The following ITGA8 variants were observed in gnomAD, a reference collection of about 807,000 sequenced individuals.
ITGA8 encodes integrin alpha-8.
ITGA8 carries 91 observed loss-of-function variants against 142.3 expected under a neutral mutation model. The ratio of observed to expected loss-of-function variants is 0.64; its 90% CI spans 0.54 to 0.76. The LOEUF (loss-of-function observed/expected upper bound fraction) is 0.76. Among genes scored for constraint, ITGA8 ranks in the 30% least tolerant of loss-of-function variants. The pLI, the probability that ITGA8 is intolerant of heterozygous loss-of-function variation, is 0.00. For missense variants in ITGA8, 1,406 were observed against 1,327.7 expected (o/e 1.06, Z -0.92); for synonymous variants, 505 against 485.2 (o/e 1.04, Z -0.54).
At chr10:15,524,650 A>G (rs1833133687) in intron 28 of ITGA8, among the ~76,000 whole-genome samples, 1 of 152,242 alleles carries the variant, frequency 6.6e-6, no homozygotes, top group African/African-American at 2.4e-5. Flanking sequence ...CTGAAACTCC[A>G]CGCTCTGTAT....
At chr10:15,682,875 T>A (rs1057009388) in intron 4 of ITGA8, among the ~76,000 whole-genome samples, 1 of 150,112 alleles carries the variant, frequency 6.7e-6, no homozygotes, top group Non-Finnish European at 1.5e-5. Flanking sequence ...AAAAAAAAAA[T>A]TTCTACTGCC....
chr10:15,560,778 A>G (rs908963279), intron 25 of ITGA8, among the ~76,000 whole-genome samples: 1 of 152,204 alleles, frequency 6.6e-6, no homozygotes, highest in Non-Finnish European at 1.5e-5. Context: ...AGATCTATAA[A>G]TAGAAATAAT....
At chr10:15,549,132 C>CA (rs1833736771) in intron 26 of ITGA8, among the ~76,000 whole-genome samples, 2 of 150,872 alleles carry the variant, frequency 1.3e-5, no homozygotes, top group Admixed American at 6.6e-5. Flanking sequence ...GTGTGTTCCT[C>CA]AAAAGGATTC....
intron 27 of ITGA8, among the ~76,000 whole-genome samples, chr10:15,533,141 AT>A (rs1219391750): frequency 1.3e-5 from 2 of 152,230 alleles, no homozygotes; most frequent in African/African-American, 4.8e-5. Context: ...TTCCTTAAAT[AT>A]TTTTTACAAA....
chr10:15,627,932 G>T (rs530480202), intron 13 of ITGA8, among the ~76,000 whole-genome samples: 2 of 151,414 alleles, frequency 1.3e-5, no homozygotes, highest in African/African-American at 4.9e-5. Flanking sequence ...TAAAGAAGTC[G>T]GTCAAAACCA....
chr10:15,646,991 G>C lies in ITGA8; in HGVS notation c.1062C>G (p.Pro354=). The change falls in exon 12 of 30, where the codon CCC becomes CCG. Residue 354 remains proline (P), a synonymous_variant. Coordinates refer to ENST00000378076, the MANE Select transcript of ITGA8 (RefSeq NM_003638.3). ...ACAGGTAGATTTGCCCTACTTCTCT[G>C]GGGTTGCTCTCAAATTCACGTTCCA... ...LFMEREFESN[P]REVGQIYLYL... is the part of the protein sequence containing the mutation. The C allele has an allele frequency of 6.2e-7, 1 of 1,614,018 alleles. No homozygotes were observed. The highest frequency in any genetic ancestry group is 8.5e-7 in the Non-Finnish European group (1 of 1,179,998).
chr10:15,549,725 G>T (rs570409145), intron 26 of ITGA8, among the ~76,000 whole-genome samples: 1 of 152,300 alleles, frequency 6.6e-6, no homozygotes, highest in South Asian at 2.1e-4. Context: ...TGGATATTAT[G>T]TGAAGTAGTT....
intron 13 of ITGA8, among the ~76,000 whole-genome samples, chr10:15,620,952 G>A (rs1255877719): frequency 6.6e-6 from 1 of 152,124 alleles, no homozygotes; most frequent in African/African-American, 2.4e-5. Flanking sequence ...GCATAATTCT[G>A]TGCTTAGGAA....
At chr10:15,535,041 C>T (rs1012178594) in intron 27 of ITGA8, among the ~76,000 whole-genome samples, 12 of 152,130 alleles carry the variant, frequency 7.9e-5, no homozygotes, top group South Asian at 2.1e-4. Context: ...GTGTGAGTTC[C>T]GCGGGTGAGT....
At chr10:15,630,322 A>T (rs1192443055) in intron 13 of ITGA8, among the ~76,000 whole-genome samples, 1 of 152,112 alleles carries the variant, frequency 6.6e-6, no homozygotes, top group African/African-American at 2.4e-5. Flanking sequence ...TGGTTTATTT[A>T]TTCATTTATT....
intron 25 of ITGA8, among the ~76,000 whole-genome samples, chr10:15,564,810 C>T (rs1372707539): frequency 1.3e-5 from 2 of 152,158 alleles, no homozygotes; most frequent in Non-Finnish European, 2.9e-5. Context: ...TCAGGTATTC[C>T]TAGCACACAA....
intron 2 of ITGA8, among the ~76,000 whole-genome samples, chr10:15,690,377 C>T (rs1024015655): frequency 1.3e-5 from 2 of 152,178 alleles, no homozygotes; most frequent in African/African-American, 2.4e-5. Context: ...AGAGCCATGC[C>T]AGCGCTGCAC....
Position 15,514,396 on chromosome 10 carries a change from T to C in ITGA8, c.*2762A>G, listed in dbSNP as rs1350491831. ...TGCTTCCATATTCTTTTTTTATTTT[T>C]TATTTTATTTATTTTTTTGTTGAGA... On this transcript the variant is annotated 3_prime_UTR_variant, in exon 30 of 30. Transcript: ENST00000378076. The C allele has an allele frequency of 6.6e-6, 1 of 152,112 alleles. No homozygotes were observed. Among genetic ancestry groups the C allele is most frequent in the Non-Finnish European group, 1.5e-5 (1 of 68,054 alleles). 9.4% of individuals were successfully genotyped at this position (152,112 alleles called of 1,614,324 possible). A position where few individuals can be genotyped will look rare whatever the true frequency, so the allele number is the denominator to read the frequency against.
At chr10:15,554,498 G>T (rs1215950012) in intron 26 of ITGA8, among the ~76,000 whole-genome samples, 1 of 121,940 alleles carries the variant, frequency 8.2e-6, no homozygotes, top group African/African-American at 3.0e-5. Flanking sequence ...CATCCTTCCT[G>T]AGTCTTGTCT....
At position 15,718,864 on chromosome 10, in the gene ITGA8, G is replaced by A. The variant is rs773712540; in HGVS notation, c.245C>T (p.Thr82Ile). Residue 82 changes from threonine to isoleucine, a missense_variant, in exon 2 of 30, where the codon ACC becomes ATC. By Grantham distance (89) the Thr-to-Ile change is moderately conservative. Coordinates refer to ENST00000378076, the MANE Select transcript of ITGA8 (RefSeq NM_003638.3). ...CCCTTCCACGATATCGGGCTGGCTGGTGTTGGCTTTGGGCGCCCCCACCAA... is the reference window on the plus strand; with the variant it reads ...CCCTTCCACGATATCGGGCTGGCTGATGTTGGCTTTGGGCGCCCCCACCAA... ...SVLVGAPKAN[T>I]SQPDIVEGGA... 2 of 1,614,138 alleles carry A rather than the reference G, an allele frequency of 1.2e-6. No homozygotes were observed. Among genetic ancestry groups the A allele is most frequent in the Non-Finnish European group, 1.7e-6 (2 of 1,180,026 alleles).
At chr10:15,525,903 T>G (rs751160341) in intron 28 of ITGA8, among the ~76,000 whole-genome samples, 2 of 152,150 alleles carry the variant, frequency 1.3e-5, no homozygotes, top group African/African-American at 4.8e-5. Flanking sequence ...CAATATGTAT[T>G]TCACATTTGC....
chr10:15,541,053 T>C lies in ITGA8; in HGVS notation c.2880+7402A>G, dbSNP rs554969195. ...CACCCACCCCTTAAGTTGCATATAATTGAACATGGGTATAAGTGGATATAA... is the reference window on the plus strand; with the variant it reads ...CACCCACCCCTTAAGTTGCATATAACTGAACATGGGTATAAGTGGATATAA... On this transcript the variant is annotated intron_variant, in intron 27 of 29. Coordinates refer to ENST00000378076, the MANE Select transcript of ITGA8 (RefSeq NM_003638.3). Among the ~76,000 whole-genome samples, 3 of 152,300 alleles carry C rather than the reference T, an allele frequency of 2.0e-5. No homozygotes were observed. In the South Asian group the frequency reaches 6.2e-4, roughly 32 times the overall value.
Position 15,643,602 on chromosome 10 carries a change from T to C in ITGA8, c.1399+428A>G, listed in dbSNP as rs550870116. On this transcript the variant is annotated intron_variant, in intron 13 of 29. Coordinates refer to ENST00000378076, the MANE Select transcript of ITGA8 (RefSeq NM_003638.3). ...GGGCCAAGCTGGAAAATATTTATGCTTTAAAAACATGAGCTTCATGACAGA... is the reference window on the plus strand; with the variant it reads ...GGGCCAAGCTGGAAAATATTTATGCCTTAAAAACATGAGCTTCATGACAGA... Among the ~76,000 whole-genome samples, 13 of 152,292 alleles carry C rather than the reference T, an allele frequency of 8.5e-5. No homozygotes were observed. The South Asian group carries it at 2.1e-3, about 24-fold the overall frequency.
At chr10:15,671,255 C>A (rs1030935892) in intron 8 of ITGA8, among the ~76,000 whole-genome samples, 6 of 151,984 alleles carry the variant, frequency 3.9e-5, no homozygotes, top group African/African-American at 1.5e-4. Context: ...TGGACATGTC[C>A]AATATGAGAG....
Sources: gnomAD v4.1 joint callset for allele counts (sites outside exome capture counted in the v4.1 genomes callset) on GRCh38, gnomAD v4.1.1 for gene constraint, MANE v1.5 for transcripts, NCBI Gene and HGNC (gene_info 2026-07-23, HGNC 2026-07-21) for gene names.